Variants in SOBP observed in about 807,000 individuals in gnomAD.
SOBP encodes sine oculis binding protein homolog, also known as sine oculis-binding protein homolog.
SOBP carries 4 observed loss-of-function variants against 53.6 expected under a neutral mutation model. The observed-to-expected ratio is 0.07, with a 90% CI of 0.04 to 0.17. The LOEUF (loss-of-function observed/expected upper bound fraction) is 0.17. Among genes scored for constraint, SOBP ranks in the 10% least tolerant of loss-of-function variants. The probability of loss-of-function intolerance (pLI) is 1.00; values close to 1 mark genes in which losing one functional copy is unlikely to be tolerated. For synonymous variants in SOBP, 584 were observed against 522.6 expected, an observed-to-expected ratio of 1.12 and a Z score of -1.60; for missense variants, 1,088 against 1,204.7, an observed-to-expected ratio of 0.90 and a Z score of 1.43.
intron 5 of SOBP, among the ~76,000 whole-genome samples, chr6:107,588,823 A>G (rs890146183): frequency 6.6e-6 from 1 of 152,222 alleles, no homozygotes; most frequent in Admixed American, 6.5e-5. Flanking sequence ...TGTTGGCAGT[A>G]GTTTTGAGCA....
At chr6:107,656,192 C>T (rs985060332) in intron 6 of SOBP, among the ~76,000 whole-genome samples, 2 of 152,060 alleles carry the variant, frequency 1.3e-5, no homozygotes, top group African/African-American at 4.8e-5. Flanking sequence ...CTCTGCAGCT[C>T]CTCAATTTTT....
intron 5 of SOBP, among the ~76,000 whole-genome samples, chr6:107,607,051 C>A (rs1185181833): frequency 6.6e-6 from 1 of 152,172 alleles, no homozygotes; most frequent in Non-Finnish European, 1.5e-5. Flanking sequence ...GGCTGGTGAG[C>A]ATTTGACCTT....
intron 6 of SOBP, among the ~76,000 whole-genome samples, chr6:107,649,476 CAAA>C (rs113367905): frequency 2.1e-5 from 3 of 139,984 alleles, no homozygotes; most frequent in Non-Finnish European, 3.1e-5. Flanking sequence ...GACCCTGTCT[CAAA>C]AAAAAAAAGA....
At chr6:107,517,860 A>G (rs958885711) in intron 3 of SOBP, among the ~76,000 whole-genome samples, 1 of 152,196 alleles carries the variant, frequency 6.6e-6, no homozygotes, top group Admixed American at 6.5e-5. Context: ...AGTTAATTAC[A>G]TATAATACAA....
At chr6:107,653,710 T>C (rs1260886796) in intron 6 of SOBP, among the ~76,000 whole-genome samples, 1 of 152,232 alleles carries the variant, frequency 6.6e-6, no homozygotes, top group Non-Finnish European at 1.5e-5. Flanking sequence ...GTTAGATTAA[T>C]AGAGGCAGGC....
Position 107,497,255 on chromosome 6 carries a change from G to C in SOBP, c.97-6402G>C, listed in dbSNP as rs1045824997. 1.2e-4 allele frequency among the ~76,000 whole-genome samples: 19 copies of C among 152,162 alleles called. 1 individual carries two copies. Among genetic ancestry groups the C allele is most frequent in the Non-Finnish European group, 2.9e-5 (2 of 68,018 alleles). On this transcript the variant is annotated intron_variant, in intron 1 of 6. Coordinates refer to ENST00000317357, the MANE Select transcript of SOBP (RefSeq NM_018013.4). ...TTCCCCCATGCTTTATAAATTGTTT[G>C]GAATTGGGAGTTTCTTTTTCCTTTG...
At chr6:107,565,141 G>A (rs1330029618) in intron 4 of SOBP, among the ~76,000 whole-genome samples, 1 of 152,224 alleles carries the variant, frequency 6.6e-6, no homozygotes, top group Non-Finnish European at 1.5e-5. Flanking sequence ...TGATGAAGGA[G>A]TAAAGTCTCC....
chr6:107,652,787 A>G (rs1771858994), intron 6 of SOBP, among the ~76,000 whole-genome samples: 1 of 152,194 alleles, frequency 6.6e-6, no homozygotes, highest in African/African-American at 2.4e-5. Flanking sequence ...AGCAGCCGTC[A>G]GTATCAAGGC....
intron 6 of SOBP, among the ~76,000 whole-genome samples, chr6:107,650,893 A>C (rs1304331697): frequency 6.6e-6 from 1 of 152,240 alleles, no homozygotes; most frequent in African/African-American, 2.4e-5. Flanking sequence ...TTGAAAGCCA[A>C]GACAGGCCAA....
At chr6:107,604,820 A>G (rs1786311489) in intron 5 of SOBP, among the ~76,000 whole-genome samples, 1 of 152,234 alleles carries the variant, frequency 6.6e-6, no homozygotes, top group South Asian at 2.1e-4. Flanking sequence ...CTCAGCAGGC[A>G]GTGGCATGTG....
chr6:107,574,047 T>C (rs1423900411), intron 4 of SOBP, among the ~76,000 whole-genome samples: 1 of 152,188 alleles, frequency 6.6e-6, no homozygotes, highest in Non-Finnish European at 1.5e-5. Flanking sequence ...AATGGAGACC[T>C]AAGGAAAACA....
In SOBP at chr6:107,661,023, C is replaced by G. The variant is rs1216400524; in HGVS notation, c.*2820C>G. On this transcript the variant is annotated 3_prime_UTR_variant, in exon 7 of 7. Coordinates refer to ENST00000317357, the MANE Select transcript of SOBP (RefSeq NM_018013.4). ...CAAGGACGTGCCAGCGGCCGAGGCA[C>G]CCGGCTGTGGTTGTCCTGATAGCAT... Among the ~76,000 whole-genome samples the G allele has an allele frequency of 6.6e-6, 1 of 152,184 alleles. No homozygotes were observed. Among genetic ancestry groups the G allele is most frequent in the Admixed American group, 6.5e-5 (1 of 15,290 alleles).
chr6:107,634,938 C>A lies in SOBP; in HGVS notation c.2094C>A (p.Cys698Ter). ...GCGGCGGCTGCAGGGACGGCCACTGCAGCCCGCCCGCCGCCGGCGACCCAG... is the reference window on the plus strand; with the variant it reads ...GCGGCGGCTGCAGGGACGGCCACTGAAGCCCGCCCGCCGCCGGCGACCCAG... ...RTCGGCRDGH[C>*]SPPAAGDPGP... The change falls in exon 6 of 7, where the codon TGC becomes TGA. Residue 698 changes from cysteine (C) to a stop codon, truncating the protein, a stop_gained. Transcript: ENST00000317357. LOFTEE classifies it high-confidence loss of function. This position sits in a 1 kb window ranked among gnomAD's most constrained non-coding sequence, Gnocchi z 4.5. 1 of 1,092,366 alleles carries A rather than the reference C, an allele frequency of 9.2e-7. No individual in the cohort carries two copies. The allele number at this position is 1,092,366 out of a possible 1,614,324, so 67.7% of individuals were successfully genotyped here. A position where few individuals can be genotyped will look rare whatever the true frequency, so the allele number is the denominator to read the frequency against.
At chr6:107,594,531 C>G (rs906807806) in intron 5 of SOBP, among the ~76,000 whole-genome samples, 1 of 151,368 alleles carries the variant, frequency 6.6e-6, no homozygotes, top group Non-Finnish European at 1.5e-5. Context: ...CAGACCTCTT[C>G]ATTCTGCCTA....
chr6:107,657,374 T>G (rs557691554), intron 6 of SOBP, among the ~76,000 whole-genome samples: 2 of 152,224 alleles, frequency 1.3e-5, no homozygotes, highest in African/African-American at 2.4e-5. Flanking sequence ...CTTGGTTGAT[T>G]TATTTTCTTC....
At chr6:107,548,258 GTT>G (rs60827093) in intron 4 of SOBP, among the ~76,000 whole-genome samples, 1 of 142,438 alleles carries the variant, frequency 7.0e-6, no homozygotes. Context: ...TTTTCTTTTT[GTT>G]TTTTTTTTTT....
intron 4 of SOBP, among the ~76,000 whole-genome samples, chr6:107,553,885 T>C (rs1262372487): frequency 6.6e-6 from 1 of 152,160 alleles, no homozygotes; most frequent in Non-Finnish European, 1.5e-5. Flanking sequence ...GGTGTGGGCT[T>C]TTTGAATTCT....
intron 5 of SOBP, among the ~76,000 whole-genome samples, chr6:107,632,895 A>G (rs1403819766): frequency 6.6e-6 from 1 of 152,238 alleles, no homozygotes; most frequent in African/African-American, 2.4e-5. Context: ...CTCAAAAAAT[A>G]ATTCTAGCTT....
intron 4 of SOBP, among the ~76,000 whole-genome samples, chr6:107,568,849 T>G (rs542975468): frequency 6.6e-6 from 1 of 152,326 alleles, no homozygotes; most frequent in South Asian, 2.1e-4. Flanking sequence ...TGAAACAGAC[T>G]GAGAGAAACC....
Sources: allele counts gnomAD v4.1 joint callset (sites outside exome capture counted in the v4.1 genomes callset), GRCh38; gene constraint gnomAD v4.1.1; non-coding constraint Gnocchi (gnomAD v3.1); transcripts MANE v1.5; gene names NCBI Gene and HGNC (gene_info 2026-07-23, HGNC 2026-07-21).